UNC5C: variants seen among roughly 807,000 people sequenced by gnomAD.
UNC5C encodes netrin receptor UNC5C.
In UNC5C, 47 loss-of-function variants were observed where a neutral mutation model predicts 99.8. The observed-to-expected ratio is 0.47, with a 90% confidence interval of 0.37 to 0.60. UNC5C has a LOEUF of 0.60. Ranked by LOEUF, UNC5C falls within the 20% of genes least tolerant of loss-of-function variation. The pLI, the probability that UNC5C is intolerant of heterozygous loss-of-function variation, is 0.00. For synonymous variants in UNC5C, 487 were observed against 452.2 expected (o/e 1.08, Z -0.98); for missense variants, 1,062 against 1,165.9 (o/e 0.91, Z 1.30).
intron 1 of UNC5C, among the ~76,000 whole-genome samples, chr4:95,435,538 A>G (rs1355241714): frequency 6.6e-6 from 1 of 152,116 alleles, no homozygotes; most frequent in Non-Finnish European, 1.5e-5. Context: ...ATGTGTGACT[A>G]TAGAAAACTG....
At chr4:95,278,396 A>G (rs1472322100) in intron 3 of UNC5C, 34 bp from the exon 4 acceptor site, 2 of 1,543,504 alleles carry the variant, frequency 1.3e-6, no homozygotes, top group Admixed American at 3.4e-5. Flanking sequence ...ACATGTCAAA[A>G]TTAAACAACA....
intron 1 of UNC5C, among the ~76,000 whole-genome samples, chr4:95,389,484 A>G (rs1238367604): frequency 2.0e-5 from 3 of 152,156 alleles, no homozygotes; most frequent in African/African-American, 7.2e-5. Flanking sequence ...CGATAATTCT[A>G]TCTGGTAGCC....
intron 12 of UNC5C, among the ~76,000 whole-genome samples, chr4:95,188,748 T>G (rs1736944830): frequency 6.6e-6 from 1 of 152,186 alleles, no homozygotes; most frequent in South Asian, 2.1e-4. Context: ...TGTTTTCCTC[T>G]GCTTCCTCTC....
intron 1 of UNC5C, among the ~76,000 whole-genome samples, chr4:95,354,168 A>C (rs1011718079): frequency 2.6e-5 from 4 of 151,878 alleles, no homozygotes; most frequent in Admixed American, 1.3e-4. Context: ...TTGCCTAAAC[A>C]TTTTCAAATC....
intron 1 of UNC5C, among the ~76,000 whole-genome samples, chr4:95,529,978 G>A (rs1208406500): frequency 6.6e-6 from 1 of 152,108 alleles, no homozygotes; most frequent in East Asian, 1.9e-4. Context: ...CATATTTGGT[G>A]TCCACTTTGA....
chr4:95,195,322 C>A (rs1358863423), intron 12 of UNC5C, among the ~76,000 whole-genome samples: 1 of 152,198 alleles, frequency 6.6e-6, no homozygotes, highest in Non-Finnish European at 1.5e-5. Context: ...GTACCACGCT[C>A]CCTCCCATAC....
rs34609153 is a variant in UNC5C at position 95,398,044 on chromosome 4, C to CTTTTTTTTTTTTTTTTTTTTTTTTTTTT, written c.125-62414_125-62413insAAAAAAAAAAAAAAAAAAAAAAAAAAAA. On this transcript the variant is annotated intron_variant, in intron 1 of 15. Coordinates refer to ENST00000453304, the MANE Select transcript of UNC5C (RefSeq NM_003728.4). ...CCCAATGAGAAGTAGCCAAATGTAG[C>CTTTTTTTTTTTTTTTTTTTTTTTTTTTT]TTTTTTTTTTTTTTTTTTTGCTTAT... is the stretch of plus-strand genomic sequence containing the variant. 3.1e-5 allele frequency among the ~76,000 whole-genome samples: 3 copies of CTTTTTTTTTTTTTTTTTTTTTTTTTTTT among 95,922 alleles called. 1 individual carries two copies. Among genetic ancestry groups the CTTTTTTTTTTTTTTTTTTTTTTTTTTTT allele is most frequent in the African/African-American group, 9.8e-5 (2 of 20,450 alleles). 62.9% of individuals were successfully genotyped at this position (95,922 alleles called of 152,430 possible).
intron 1 of UNC5C, among the ~76,000 whole-genome samples, chr4:95,446,986 T>G (rs916362208): frequency 2.0e-5 from 3 of 152,146 alleles, no homozygotes; most frequent in Admixed American, 1.3e-4. Flanking sequence ...TATTCTTAAG[T>G]TTCTTTCTCT....
intron 1 of UNC5C, among the ~76,000 whole-genome samples, chr4:95,357,033 G>A (rs550127712): frequency 6.6e-6 from 1 of 152,042 alleles, no homozygotes; most frequent in African/African-American, 2.4e-5. Context: ...TAAGGTCTGT[G>A]ACAACATTTC....
intron 1 of UNC5C, among the ~76,000 whole-genome samples, chr4:95,520,100 AG>A (rs1337757490): frequency 6.6e-6 from 1 of 152,196 alleles, no homozygotes; most frequent in African/African-American, 2.4e-5. Context: ...AGCTCCAAAA[AG>A]GTAAAATGAC....
intron 3 of UNC5C, among the ~76,000 whole-genome samples, chr4:95,285,181 TA>T (rs1741189191): frequency 6.6e-6 from 1 of 152,214 alleles, no homozygotes; most frequent in Non-Finnish European, 1.5e-5. Context: ...TTTATTAGAA[TA>T]AAATATTTTT....
At chr4:95,468,129 T>G (rs201342938) in intron 1 of UNC5C, among the ~76,000 whole-genome samples, 4 of 20,040 alleles carry the variant, frequency 2.0e-4, no homozygotes, top group East Asian at 4.0e-3. Context: ...GTTTTTTGGG[T>G]TTTTTTTTTT....
At chr4:95,300,482 T>G (rs972519826) in intron 3 of UNC5C, among the ~76,000 whole-genome samples, 1 of 152,200 alleles carries the variant, frequency 6.6e-6, no homozygotes, top group African/African-American at 2.4e-5. Context: ...TGTGGTCCAA[T>G]GTACTAGAAT....
intron 6 of UNC5C, among the ~76,000 whole-genome samples, chr4:95,243,783 A>G (rs1739407427): frequency 6.6e-6 from 1 of 152,206 alleles, no homozygotes; most frequent in African/African-American, 2.4e-5. Context: ...CCAACTACTT[A>G]GAGCAAAAAC....
At chr4:95,361,533 G>A (rs542412169) in intron 1 of UNC5C, among the ~76,000 whole-genome samples, 77 of 152,292 alleles carry the variant, frequency 5.1e-4, no homozygotes, top group South Asian at 3.9e-3. Context: ...ATTTATGAAA[G>A]TGTCTCCTGT....
At chr4:95,434,596 C>T (rs1188385358) in intron 1 of UNC5C, among the ~76,000 whole-genome samples, 3 of 152,012 alleles carry the variant, frequency 2.0e-5, no homozygotes, top group Non-Finnish European at 4.4e-5. Flanking sequence ...CTCCCTTTCA[C>T]TTTTATTGAC....
intron 12 of UNC5C, among the ~76,000 whole-genome samples, chr4:95,194,649 G>A (rs1643425418): frequency 6.6e-6 from 1 of 152,052 alleles, no homozygotes; most frequent in Admixed American, 6.6e-5. Context: ...GACCATAGCT[G>A]GAAAAAGTTC....
chr4:95,490,759 C>T (rs945628723), intron 1 of UNC5C, among the ~76,000 whole-genome samples: 3 of 151,678 alleles, frequency 2.0e-5, no homozygotes, highest in Admixed American at 1.3e-4. Flanking sequence ...TTCACTTGTG[C>T]TAAAGGACAA....
chr4:95,495,817 C>G (rs1250073301), intron 1 of UNC5C, among the ~76,000 whole-genome samples: 3 of 151,514 alleles, frequency 2.0e-5, no homozygotes, highest in Non-Finnish European at 4.4e-5. Flanking sequence ...ACTACAGAAG[C>G]AACAACAATC....
Sources: allele counts gnomAD v4.1 joint callset (sites outside exome capture counted in the v4.1 genomes callset), GRCh38; gene constraint gnomAD v4.1.1; transcripts MANE v1.5; gene names NCBI Gene and HGNC (gene_info 2026-07-23, HGNC 2026-07-21).